FBXW11: variants seen among roughly 807,000 people sequenced by gnomAD.
FBXW11 encodes the protein F-box and WD repeat domain containing 11.
A neutral mutation model predicts 77.6 loss-of-function variants in FBXW11; 19 were observed. The observed-to-expected ratio is 0.24, with a 90% CI of 0.17 to 0.36. FBXW11 has a LOEUF of 0.36. FBXW11 is among the 10% of genes least tolerant of loss of function. The probability of loss-of-function intolerance (pLI) is 1.00; values close to 1 mark genes in which losing one functional copy is unlikely to be tolerated. For missense variants in FBXW11, 334 were observed against 704.2 expected (o/e 0.47, Z 5.95); for synonymous variants, 235 against 249.4 (o/e 0.94, Z 0.54).
chr5:171,990,523 T>C (rs559703329), intron 1 of FBXW11, among the ~76,000 whole-genome samples: 16 of 152,292 alleles, frequency 1.1e-4, no homozygotes, highest in Admixed American at 4.6e-4. Flanking sequence ...ATATGCACAG[T>C]TCTTCTTTAT....
At chr5:171,888,647 A>C (rs570985412) in intron 7 of FBXW11, among the ~76,000 whole-genome samples, 1 of 152,330 alleles carries the variant, frequency 6.6e-6, no homozygotes, top group African/African-American at 2.4e-5. Context: ...CACAATGCCC[A>C]AAATACTAGT....
At chr5:171,897,908 A>C (rs2113872004) in intron 6 of FBXW11, among the ~76,000 whole-genome samples, 1 of 152,316 alleles carries the variant, frequency 6.6e-6, no homozygotes, top group East Asian at 1.9e-4. Flanking sequence ...TGTCTCAGCC[A>C]CTAGCACTGT....
intron 2 of FBXW11, among the ~76,000 whole-genome samples, chr5:171,917,794 G>GTA (rs1440325227): frequency 6.6e-6 from 1 of 151,072 alleles, no homozygotes; most frequent in Non-Finnish European, 1.5e-5. Flanking sequence ...GTGTGTGTGT[G>GTA]TGTGTAAATA....
At chr5:171,977,095 T>C (rs1581061536) in intron 1 of FBXW11, among the ~76,000 whole-genome samples, 1 of 149,112 alleles carries the variant, frequency 6.7e-6, no homozygotes, top group South Asian at 2.1e-4. Flanking sequence ...ATCCCAGCAA[T>C]TTAGGAGGAT....
intron 7 of FBXW11, among the ~76,000 whole-genome samples, chr5:171,885,807 T>C (rs138737473): frequency 6.6e-6 from 1 of 152,356 alleles, no homozygotes; most frequent in African/African-American, 2.4e-5. Context: ...ATTTTATAAA[T>C]GAGGTAGACA....
chr5:171,908,116 CT>C, intron 4 of FBXW11, among the ~76,000 whole-genome samples: 1 of 151,724 alleles, frequency 6.6e-6, no homozygotes, highest in South Asian at 2.1e-4. Flanking sequence ...AAAAAAGACT[CT>C]GTCTTTTCTT....
Position 171,913,818 on chromosome 5 carries a change from TACACACACACACACAC to T in FBXW11, c.210+509_210+524del, listed in dbSNP as rs1161644281. On this transcript the variant is annotated intron_variant, in intron 3 of 13. Transcript: ENST00000517395. ...CCCCAAACCCCCAACCACACACACA[TACACACACACACACAC>T]ACACACACACACACACACACACACA... 7.5e-3 allele frequency among the ~76,000 whole-genome samples: 492 copies of T among 65,382 alleles called. 2 individuals carry two copies. Among genetic ancestry groups the T allele is most frequent in the Admixed American group, 0.03 (180 of 6,060 alleles). 42.9% of individuals were successfully genotyped at this position (65,382 alleles called of 152,430 possible). A position where few individuals can be genotyped will look rare whatever the true frequency, so the allele number is the denominator to read the frequency against.
intron 1 of FBXW11, chr5:171,997,094 C>T: frequency 1.6e-6 from 2 of 1,286,370 alleles, no homozygotes; most frequent in Non-Finnish European, 2.0e-6. Context: ...ACCATGGCAC[C>T]AGCGGCAAAG....
At chr5:171,881,334 G>A (rs148405249) in intron 7 of FBXW11, among the ~76,000 whole-genome samples, 356 of 152,250 alleles carry the variant, frequency 2.3e-3, no homozygotes, top group Middle Eastern at 0.01. Context: ...TGTGTGTGAC[G>A]TTAGCTATAG....
chr5:171,988,575 T>G (rs1478309304), intron 1 of FBXW11, among the ~76,000 whole-genome samples: 1 of 152,210 alleles, frequency 6.6e-6, no homozygotes, highest in Non-Finnish European at 1.5e-5. Context: ...TCTGGCACGG[T>G]GGCTCACGCC....
chr5:171,914,779 G>C (rs1300312362), intron 2 of FBXW11, among the ~76,000 whole-genome samples: 1 of 152,146 alleles, frequency 6.6e-6, no homozygotes, highest in Non-Finnish European at 1.5e-5. Flanking sequence ...TTACTAGAAG[G>C]TCTGCTATTC....
chr5:171,925,574 G>A (rs980816955), intron 2 of FBXW11, among the ~76,000 whole-genome samples: 3 of 152,216 alleles, frequency 2.0e-5, no homozygotes, highest in African/African-American at 4.8e-5. Flanking sequence ...TCAGTCTCCT[G>A]AGCTCAAGCA....
In FBXW11 at chr5:171,863,995, G is replaced by C. The variant is rs1209635242; in HGVS notation, c.*132C>G. 6.6e-6 allele frequency: 1 copy of C among 152,148 alleles called. No homozygotes were observed. Among genetic ancestry groups the C allele is most frequent in the Non-Finnish European group, 1.5e-5 (1 of 68,036 alleles). The allele number at this position is 152,148 out of a possible 1,614,324, so 9.4% of individuals were successfully genotyped here. ...GGTACTTGAAGAGTTAGGCTGCTTT[G>C]CATCTACCCAGCGTCTAGAACCAAT... On this transcript the variant is annotated 3_prime_UTR_variant, in exon 14 of 14. Coordinates refer to ENST00000517395, the MANE Select transcript of FBXW11 (RefSeq NM_001378974.1).
At position 171,870,867 on chromosome 5, in the gene FBXW11, A is replaced by G. The variant is rs900075588; in HGVS notation, c.1341-9T>C. On this transcript the variant is annotated splice_polypyrimidine_tract_variant and intron_variant, in intron 10 of 13. Coordinates refer to ENST00000517395, the MANE Select transcript of FBXW11 (RefSeq NM_001378974.1). ...ATTCAATATCCCAGAGCCTTGAATGAAAAACAGACCTCTGTGAAACAAATT... is the reference window on the plus strand; with the variant it reads ...ATTCAATATCCCAGAGCCTTGAATGGAAAACAGACCTCTGTGAAACAAATT... 28 of 1,591,938 alleles carry G rather than the reference A, an allele frequency of 1.8e-5. No individual in the cohort carries two copies. Among genetic ancestry groups the G allele is most frequent in the Non-Finnish European group, 2.4e-5 (28 of 1,160,232 alleles).
intron 4 of FBXW11, among the ~76,000 whole-genome samples, chr5:171,905,628 C>T (rs1385757107): frequency 7.1e-6 from 1 of 141,314 alleles, no homozygotes; most frequent in African/African-American, 2.6e-5. Context: ...GTCTCATGGC[C>T]CCTTAAATGT....
chr5:171,974,818 G>T (rs1160980874), intron 1 of FBXW11, among the ~76,000 whole-genome samples: 2 of 150,646 alleles, frequency 1.3e-5, no homozygotes, highest in Non-Finnish European at 3.0e-5. Flanking sequence ...CCTCTTTTGA[G>T]AATTTCGATC....
intron 2 of FBXW11, among the ~76,000 whole-genome samples, chr5:171,939,602 T>C (rs1489775626): frequency 7.0e-6 from 1 of 142,616 alleles, no homozygotes; most frequent in East Asian, 2.1e-4. Context: ...GGAGGCTGAG[T>C]GGGGAGGATC....
intron 2 of FBXW11, among the ~76,000 whole-genome samples, chr5:171,936,567 A>G (rs1177890508): frequency 1.3e-5 from 2 of 151,804 alleles, no homozygotes; most frequent in Non-Finnish European, 2.9e-5. Flanking sequence ...AAAAATACAA[A>G]CCTCTCTATA....
At chr5:171,994,644 A>C (rs1338136962) in intron 1 of FBXW11, among the ~76,000 whole-genome samples, 1 of 152,222 alleles carries the variant, frequency 6.6e-6, no homozygotes. Context: ...ATCTAGAATC[A>C]TGCTCAATAA....
Sources: gnomAD v4.1 joint callset for allele counts (sites outside exome capture counted in the v4.1 genomes callset) on GRCh38, gnomAD v4.1.1 for gene constraint, MANE v1.5 for transcripts, NCBI Gene and HGNC (gene_info 2026-07-23, HGNC 2026-07-21) for gene names.